ST6GALNAC3: variants seen among roughly 807,000 people sequenced by gnomAD.
ST6GALNAC3 encodes the protein alpha-N-acetylgalactosaminide alpha-2,6-sialyltransferase 3.
ST6GALNAC3 carries 25 observed loss-of-function variants against 32.7 expected under a neutral mutation model. That is an observed-to-expected ratio of 0.76 (90% CI 0.56 to 1.07). The LOEUF is 1.07. ST6GALNAC3 is among the 50% of genes least tolerant of loss of function. The pLI, the probability that ST6GALNAC3 is intolerant of heterozygous loss-of-function variation, is 0.00. For synonymous variants in ST6GALNAC3, 129 were observed against 133.1 expected, an observed-to-expected ratio of 0.97 and a Z score of 0.21; for missense variants, 355 against 382.4, an observed-to-expected ratio of 0.93 and a Z score of 0.60.
chr1:76,468,347 G>C (rs1658789796), intron 3 of ST6GALNAC3, among the ~76,000 whole-genome samples: 2 of 152,138 alleles, frequency 1.3e-5, no homozygotes, highest in African/African-American at 4.8e-5. Flanking sequence ...GGGACACATT[G>C]AAGAGTCTGT....
intron 3 of ST6GALNAC3, among the ~76,000 whole-genome samples, chr1:76,491,101 G>A (rs6693031): frequency 0.13 from 19,260 of 151,862 alleles, 1,317 homozygotes; most frequent in African/African-American, 0.15. Flanking sequence ...CAGGTGATCC[G>A]CCCACCTTGG....
intron 1 of ST6GALNAC3, among the ~76,000 whole-genome samples, chr1:76,182,670 G>A (rs7540069): frequency 0.2 from 29,921 of 151,964 alleles, 3,064 homozygotes; most frequent in African/African-American, 0.22. Flanking sequence ...AACTAGGCAG[G>A]TATTTTTGAA....
intron 3 of ST6GALNAC3, among the ~76,000 whole-genome samples, chr1:76,574,387 T>A (rs1646766794): frequency 6.6e-6 from 1 of 152,088 alleles, no homozygotes; most frequent in Admixed American, 6.6e-5. Context: ...CCGTAGAATC[T>A]CAGAGATGAA....
At chr1:76,434,698 T>G (rs1272282787) in intron 3 of ST6GALNAC3, among the ~76,000 whole-genome samples, 1 of 151,684 alleles carries the variant, frequency 6.6e-6, no homozygotes, top group African/African-American at 2.4e-5. Context: ...CATGTTAAAT[T>G]AAATACAATT....
intron 1 of ST6GALNAC3, among the ~76,000 whole-genome samples, chr1:76,215,212 T>C (rs1325320635): frequency 3.3e-5 from 5 of 152,160 alleles, no homozygotes; most frequent in African/African-American, 4.8e-5. Context: ...AATACAATCC[T>C]TAAAAGTTTC....
At chr1:76,343,784 G>A (rs1216138169) in intron 2 of ST6GALNAC3, among the ~76,000 whole-genome samples, 2 of 152,164 alleles carry the variant, frequency 1.3e-5, no homozygotes, top group Non-Finnish European at 2.9e-5. Flanking sequence ...CATAAGACTT[G>A]ATAGCATGTT....
At chr1:76,491,100 C>T (rs948314685) in intron 3 of ST6GALNAC3, among the ~76,000 whole-genome samples, 19 of 152,156 alleles carry the variant, frequency 1.2e-4, no homozygotes, top group African/African-American at 3.9e-4. Context: ...TCAGGTGATC[C>T]GCCCACCTTG....
At chr1:76,341,682 C>CTTTCTTTCTTTCTTTCT (rs1411767732) in intron 2 of ST6GALNAC3, among the ~76,000 whole-genome samples, 2 of 35,990 alleles carry the variant, frequency 5.6e-5, no homozygotes, top group African/African-American at 9.8e-5. Context: ...TCTTTCTTTC[C>CTTTCTTTCTTTCTTTCT]TTCTTTCTTT....
chr1:76,390,971 G>A (rs538125352), intron 2 of ST6GALNAC3, among the ~76,000 whole-genome samples: 2 of 98,280 alleles, frequency 2.0e-5, no homozygotes, highest in East Asian at 2.5e-4. Flanking sequence ...ATGGAGTCTC[G>A]CACTGTCGCC....
rs1011963095 is a variant in ST6GALNAC3 at position 76,634,335 on chromosome 1, A to G, written c.*5529A>G. 2.6e-5 allele frequency: 5 copies of G among 192,604 alleles called. No homozygotes were observed. Among genetic ancestry groups the G allele is most frequent in the African/African-American group, 1.2e-4 (5 of 42,120 alleles). The allele number at this position is 192,604 out of a possible 1,614,324, so 11.9% of individuals were successfully genotyped here. ...TTTGTTACCTAATCTACAAAGTACTAATTTCCTTGTGTTTAGCTTTGTTGT... is the reference window on the plus strand; with the variant it reads ...TTTGTTACCTAATCTACAAAGTACTGATTTCCTTGTGTTTAGCTTTGTTGT... On this transcript the variant is annotated 3_prime_UTR_variant, in exon 5 of 5. Coordinates refer to ENST00000328299, the MANE Select transcript of ST6GALNAC3 (RefSeq NM_152996.4).
At chr1:76,289,750 C>A (rs962489567) in intron 1 of ST6GALNAC3, among the ~76,000 whole-genome samples, 1 of 152,232 alleles carries the variant, frequency 6.6e-6, no homozygotes, top group Non-Finnish European at 1.5e-5. Context: ...GTTTAATCAA[C>A]AGGCTTTTTA....
intron 1 of ST6GALNAC3, among the ~76,000 whole-genome samples, chr1:76,144,867 T>C (rs1264665583): frequency 6.6e-6 from 1 of 152,212 alleles, no homozygotes; most frequent in African/African-American, 2.4e-5. Flanking sequence ...GGTGAGGGCC[T>C]CCTTTATTGG....
At chr1:76,096,107 C>T (rs1647127020) in intron 1 of ST6GALNAC3, among the ~76,000 whole-genome samples, 1 of 152,166 alleles carries the variant, frequency 6.6e-6, no homozygotes, top group African/African-American at 2.4e-5. Flanking sequence ...GTGCTGATGA[C>T]AAAGGGCCTG....
intron 3 of ST6GALNAC3, among the ~76,000 whole-genome samples, chr1:76,466,765 T>A (rs956397114): frequency 3.3e-5 from 5 of 152,212 alleles, no homozygotes; most frequent in African/African-American, 1.2e-4. Context: ...TGTAATGGGT[T>A]ATTTGCATGA....
At position 76,258,700 on chromosome 1, in the gene ST6GALNAC3, G is replaced by T. The variant is rs532030660; in HGVS notation, c.19-55105G>T. ...TGGAAGGGCTGGGTACCCCGGCATT[G>T]TAAGATGTGACTGCAGCCCTCAAGG... On this transcript the variant is annotated intron_variant, in intron 1 of 4. Coordinates refer to ENST00000328299, the MANE Select transcript of ST6GALNAC3 (RefSeq NM_152996.4). Among the ~76,000 whole-genome samples, 19 of 152,278 alleles carry T rather than the reference G, an allele frequency of 1.2e-4. No homozygotes were observed. The East Asian group carries it at 2.9e-3, about 23-fold the overall frequency.
chr1:76,331,227 A>C (rs955587354), intron 2 of ST6GALNAC3, among the ~76,000 whole-genome samples: 4 of 152,186 alleles, frequency 2.6e-5, no homozygotes, highest in Non-Finnish European at 4.4e-5. Context: ...TTGATGTCTT[A>C]AGAAAGATTA....
At chr1:76,111,992 T>C (rs1487973793) in intron 1 of ST6GALNAC3, among the ~76,000 whole-genome samples, 4 of 151,298 alleles carry the variant, frequency 2.6e-5, no homozygotes, top group Admixed American at 2.6e-4. Context: ...GCAGAGGGGC[T>C]CCTCACTTCC....
intron 1 of ST6GALNAC3, among the ~76,000 whole-genome samples, chr1:76,281,223 C>T (rs895716837): frequency 1.3e-5 from 2 of 152,028 alleles, no homozygotes; most frequent in African/African-American, 4.8e-5. Flanking sequence ...ACCTTGAAAT[C>T]GATATAGATT....
intron 3 of ST6GALNAC3, among the ~76,000 whole-genome samples, chr1:76,445,797 T>A (rs1012619310): frequency 5.9e-5 from 9 of 152,200 alleles, no homozygotes; most frequent in African/African-American, 1.9e-4. Flanking sequence ...CTTAAAAATC[T>A]GTTTTAAGTA....
Sources: allele counts gnomAD v4.1 joint callset (sites outside exome capture counted in the v4.1 genomes callset), GRCh38; gene constraint gnomAD v4.1.1; transcripts MANE v1.5; gene names NCBI Gene and HGNC (gene_info 2026-07-23, HGNC 2026-07-21).